The following SSBP3 variants were observed in gnomAD, a reference collection of about 807,000 sequenced individuals.
SSBP3 encodes single-stranded DNA-binding protein 3.
In SSBP3, 5 loss-of-function variants were observed where a neutral mutation model predicts 69.6. The ratio of observed to expected loss-of-function variants is 0.07; its 90% confidence interval spans 0.04 to 0.15. SSBP3 has a LOEUF of 0.15. Ranked by LOEUF, SSBP3 falls within the 10% of genes least tolerant of loss-of-function variation. SSBP3 has a pLI of 1.00. For synonymous variants in SSBP3, 196 were observed against 193.4 expected (o/e 1.01, Z -0.11); for missense variants, 312 against 534.0 (o/e 0.58, Z 4.10).
At chr1:54,382,086 C>A (rs1160144323) in intron 4 of SSBP3, among the ~76,000 whole-genome samples, 2 of 152,194 alleles carry the variant, frequency 1.3e-5, no homozygotes, top group Non-Finnish European at 2.9e-5. Context: ...CCCAGCTTCT[C>A]TGGAGGCTTA....
At chr1:54,293,762 T>C (rs1645649184) in intron 4 of SSBP3, among the ~76,000 whole-genome samples, 1 of 152,240 alleles carries the variant, frequency 6.6e-6, no homozygotes, top group African/African-American at 2.4e-5. Flanking sequence ...CTTCCAGGGA[T>C]GGGAGCAGGA....
At position 54,382,400 on chromosome 1, in the gene SSBP3, C is replaced by A. The variant is rs1329689687; in HGVS notation, c.276+19461G>T. On this transcript the variant is annotated intron_variant, in intron 4 of 17. Coordinates refer to ENST00000610401, the Ensembl canonical transcript of SSBP3. ...AGTTAGCATTTTGAAAACACATAACCCCAGATAAAGGGGAGGAAAATAGTC... is the reference window on the plus strand; with the variant it reads ...AGTTAGCATTTTGAAAACACATAACACCAGATAAAGGGGAGGAAAATAGTC... Among the ~76,000 whole-genome samples the A allele has an allele frequency of 2.0e-5, 3 of 152,238 alleles. No homozygotes were observed. The South Asian group carries it at 6.2e-4, about 32-fold the overall frequency.
intron 4 of SSBP3, among the ~76,000 whole-genome samples, chr1:54,282,122 C>A (rs1011861152): frequency 1.3e-5 from 2 of 152,020 alleles, no homozygotes; most frequent in African/African-American, 4.8e-5. Context: ...CAAGGACAGC[C>A]TGAGACAAAG....
intron 1 of SSBP3, chr1:54,413,069 G>C (rs991883550): frequency 6.6e-6 from 1 of 152,156 alleles, no homozygotes; most frequent in African/African-American, 2.4e-5. Flanking sequence ...ATCACATGTG[G>C]GAAAGACTTA....
intron 4 of SSBP3, among the ~76,000 whole-genome samples, chr1:54,394,955 G>A (rs552596044): frequency 7.3e-5 from 11 of 151,592 alleles, no homozygotes; most frequent in South Asian, 4.2e-4. Flanking sequence ...CGCCAGCCTC[G>A]GCCTCCCAAA....
At chr1:54,338,304 T>C (rs1302888770) in intron 4 of SSBP3, among the ~76,000 whole-genome samples, 3 of 152,248 alleles carry the variant, frequency 2.0e-5, no homozygotes, top group Admixed American at 2.0e-4. Flanking sequence ...TATTTTTCCA[T>C]TTCCCCAACT....
intron 4 of SSBP3, among the ~76,000 whole-genome samples, chr1:54,351,149 A>T (rs1215531621): frequency 6.6e-6 from 1 of 152,192 alleles, no homozygotes; most frequent in Non-Finnish European, 1.5e-5. Flanking sequence ...TTTTATAATG[A>T]GAATTTTCTG....
intron 4 of SSBP3, among the ~76,000 whole-genome samples, chr1:54,401,620 C>T (rs780777833): frequency 6.0e-5 from 9 of 151,168 alleles, no homozygotes; most frequent in Admixed American, 2.0e-4. Context: ...TTTAATTCTC[C>T]GGATAGATAT....
At chr1:54,350,118 G>A (rs1371096274) in intron 4 of SSBP3, among the ~76,000 whole-genome samples, 1 of 152,160 alleles carries the variant, frequency 6.6e-6, no homozygotes, top group South Asian at 2.1e-4. Flanking sequence ...GAGCATCCAC[G>A]TGAAAAGGCA....
intron 4 of SSBP3, among the ~76,000 whole-genome samples, chr1:54,290,747 C>A (rs1305937940): frequency 2.6e-5 from 4 of 152,326 alleles, no homozygotes; most frequent in Admixed American, 1.3e-4. Flanking sequence ...CCCATCTGGG[C>A]CCCATGGCAC....
intron 4 of SSBP3, among the ~76,000 whole-genome samples, chr1:54,341,040 C>A (rs911941006): frequency 6.6e-6 from 1 of 152,214 alleles, no homozygotes; most frequent in Non-Finnish European, 1.5e-5. Flanking sequence ...CTCTGTAAAT[C>A]GGTGCTGCCA....
In SSBP3 at chr1:54,312,194, C is replaced by T. The variant is rs528807793; in HGVS notation, c.277-30667G>A. Among the ~76,000 whole-genome samples, 46 of 151,156 alleles carry T rather than the reference C, an allele frequency of 3.0e-4. No homozygotes were observed. The South Asian group carries it at 9.3e-3, about 31-fold the overall frequency. ...CCTGTAATCCCAGTGCTTTGGGAGGCGGGGGATCAGTGGAGGTCAGGAGTT... is the reference window on the plus strand; with the variant it reads ...CCTGTAATCCCAGTGCTTTGGGAGGTGGGGGATCAGTGGAGGTCAGGAGTT... On this transcript the variant is annotated intron_variant, in intron 4 of 17. Transcript: ENST00000610401.
At chr1:54,322,789 G>GT (rs1213159706) in intron 4 of SSBP3, among the ~76,000 whole-genome samples, 4 of 152,014 alleles carry the variant, frequency 2.6e-5, no homozygotes, top group Non-Finnish European at 5.9e-5. Context: ...CCACTTATGC[G>GT]TCAGGTGTTA....
intron 4 of SSBP3, among the ~76,000 whole-genome samples, chr1:54,365,351 T>C (rs1647012643): frequency 1.3e-5 from 2 of 150,910 alleles, no homozygotes; most frequent in South Asian, 4.2e-4. Context: ...AAGGTGTGCG[T>C]GTGTGTGTGT....
chr1:54,381,422 G>A (rs1019486232), intron 4 of SSBP3, among the ~76,000 whole-genome samples: 1 of 145,940 alleles, frequency 6.9e-6, no homozygotes, highest in African/African-American at 2.5e-5. Flanking sequence ...GAGAGAGCAT[G>A]TCAGTAGAGT....
Position 54,258,609 on chromosome 1 carries a change from G to A in SSBP3, c.367-460C>T, listed in dbSNP as rs1259529548. Among the ~76,000 whole-genome samples the A allele has an allele frequency of 3.9e-5, 6 of 152,202 alleles. No homozygotes were observed. The highest frequency in any genetic ancestry group is 8.8e-5 in the Non-Finnish European group (6 of 68,030). ...CCTGCCCTCAAGGAGCTCACAGTCT[G>A]GGGGACAGTGACACGGCTATGGGTG... On this transcript the variant is annotated intron_variant, in intron 5 of 17. Transcript: ENST00000610401. This position sits in a 1 kb window ranked among gnomAD's most constrained non-coding sequence, Gnocchi z 4.5.
chr1:54,232,182 G>A (rs1019462883), intron 14 of SSBP3, among the ~76,000 whole-genome samples: 4 of 151,956 alleles, frequency 2.6e-5, no homozygotes, highest in African/African-American at 9.7e-5. Flanking sequence ...ATTAGGAGGT[G>A]GACTAGTTAA....
chr1:54,265,280 T>C (rs1250030975), intron 5 of SSBP3, among the ~76,000 whole-genome samples: 1 of 152,158 alleles, frequency 6.6e-6, no homozygotes, highest in Non-Finnish European at 1.5e-5. Flanking sequence ...GAACTTGGCA[T>C]GGCTTGGAGA....
At chr1:54,391,063 C>A (rs563966485) in intron 4 of SSBP3, among the ~76,000 whole-genome samples, 5 of 152,224 alleles carry the variant, frequency 3.3e-5, no homozygotes, top group African/African-American at 1.2e-4. Flanking sequence ...GACACAGACA[C>A]GGGCGCCAGC....
Sources: allele counts gnomAD v4.1 joint callset (sites outside exome capture counted in the v4.1 genomes callset), GRCh38; gene constraint gnomAD v4.1.1; non-coding constraint Gnocchi (gnomAD v3.1); transcripts MANE v1.5; gene names NCBI Gene and HGNC (gene_info 2026-07-23, HGNC 2026-07-21).